The following TNFRSF8 variants were observed in gnomAD, a reference collection of about 807,000 sequenced individuals.
TNFRSF8 encodes the protein TNF receptor superfamily member 8.
TNFRSF8 carries 26 observed loss-of-function variants against 70.8 expected under a neutral mutation model. The observed-to-expected ratio is 0.37, with a 90% CI of 0.27 to 0.51. The LOEUF is 0.51. Ranked by LOEUF, TNFRSF8 falls within the 20% of genes least tolerant of loss-of-function variation. The pLI is 0.94. For synonymous variants in TNFRSF8, 356 were observed against 339.2 expected (o/e 1.05, Z -0.54); for missense variants, 720 against 807.9 (o/e 0.89, Z 1.32).
At chr1:12,070,132 C>T (rs1178204042) in intron 1 of TNFRSF8, among the ~76,000 whole-genome samples, 3 of 130,748 alleles carry the variant, frequency 2.3e-5, no homozygotes, top group African/African-American at 9.1e-5. Flanking sequence ...TTTAAAGTTC[C>T]TTCTGTCTGC....
At chr1:12,086,545 C>T (rs993729042) in intron 2 of TNFRSF8, among the ~76,000 whole-genome samples, 6 of 151,174 alleles carry the variant, frequency 4.0e-5, no homozygotes, top group Admixed American at 4.0e-4. Flanking sequence ...CCCACCCCTC[C>T]CATCCCCTTT....
chr1:12,109,420 G>C lies in TNFRSF8; in HGVS notation c.422-146G>C, dbSNP rs1641584881. 1.6e-6 allele frequency: 1 copy of C among 615,128 alleles called. No homozygotes were observed. 38.1% of individuals were successfully genotyped at this position (615,128 alleles called of 1,614,324 possible). Reference sequence around the variant, plus strand: ...GGCTGCTTTACTCTGAAGGGGAACGGGTGCCAGGCGGGTGCCACCTCCAGA... The same window carrying C: ...GGCTGCTTTACTCTGAAGGGGAACGCGTGCCAGGCGGGTGCCACCTCCAGA... On this transcript the variant is annotated intron_variant, in intron 4 of 14. Coordinates refer to ENST00000263932, the MANE Select transcript of TNFRSF8 (RefSeq NM_001243.5). This position sits in a 1 kb window ranked among gnomAD's most constrained non-coding sequence, Gnocchi z 4.4.
rs755846491 is a variant in TNFRSF8, at chr1:12,127,517, C to T, written c.1309+1281C>T. 3.3e-5 allele frequency among the ~76,000 whole-genome samples: 5 copies of T among 152,386 alleles called. No homozygotes were observed. The East Asian group carries it at 9.6e-4, about 29-fold the overall frequency. On this transcript the variant is annotated intron_variant, in intron 12 of 14. Transcript: ENST00000263932. ...CCTACCCAAGAGCCACGTGCTCAGCCTAAGGCCAGGCCCTGGCCCGTCCCC... is the reference window on the plus strand; with the variant it reads ...CCTACCCAAGAGCCACGTGCTCAGCTTAAGGCCAGGCCCTGGCCCGTCCCC...
chr1:12,120,123 A>C (rs1641804350), intron 8 of TNFRSF8, among the ~76,000 whole-genome samples: 1 of 152,212 alleles, frequency 6.6e-6, no homozygotes, highest in South Asian at 2.1e-4. Context: ...ATTTTCAGAC[A>C]TAAAAGGTCC....
chr1:12,071,130 A>G (rs1433127114), intron 1 of TNFRSF8, among the ~76,000 whole-genome samples: 4 of 152,206 alleles, frequency 2.6e-5, no homozygotes, highest in Non-Finnish European at 5.9e-5. Context: ...GCTTAGAACA[A>G]CATGAAGGTA....
chr1:12,125,711 G>A (rs1160430749), intron 10 of TNFRSF8, among the ~76,000 whole-genome samples: 1 of 152,168 alleles, frequency 6.6e-6, no homozygotes, highest in Non-Finnish European at 1.5e-5. Flanking sequence ...GCTCCTAGAC[G>A]CCTCAATTTC....
At chr1:12,117,587 C>T (rs1641756449) in intron 8 of TNFRSF8, among the ~76,000 whole-genome samples, 1 of 152,106 alleles carries the variant, frequency 6.6e-6, no homozygotes, top group South Asian at 2.1e-4. Flanking sequence ...GTTCCCTGGC[C>T]AACTTCCTAC....
intron 1 of TNFRSF8, among the ~76,000 whole-genome samples, chr1:12,074,779 G>GTGTT (rs145005426): frequency 6.6e-6 from 1 of 151,928 alleles, no homozygotes; most frequent in East Asian, 1.9e-4. Flanking sequence ...GTGATTATTT[G>GTGTT]TGTTTGTTTG....
At chr1:12,072,191 T>C (rs1210198551) in intron 1 of TNFRSF8, among the ~76,000 whole-genome samples, 2 of 152,164 alleles carry the variant, frequency 1.3e-5, no homozygotes, top group African/African-American at 2.4e-5. Context: ...AGTTAATATG[T>C]GTCAAGTGCT....
intron 8 of TNFRSF8, among the ~76,000 whole-genome samples, chr1:12,116,427 T>G (rs979326639): frequency 1.3e-5 from 2 of 152,252 alleles, no homozygotes; most frequent in African/African-American, 4.8e-5. Context: ...TTGTTGTTGT[T>G]GTTTTTTGTT....
At chr1:12,106,463 G>A (rs1424126707) in intron 4 of TNFRSF8, among the ~76,000 whole-genome samples, 1 of 152,120 alleles carries the variant, frequency 6.6e-6, no homozygotes, top group Non-Finnish European at 1.5e-5. Flanking sequence ...CTGTCTCTTG[G>A]CTTGATCAAT....
chr1:12,115,622 C>A lies in TNFRSF8; in HGVS notation c.839C>A (p.Thr280Asn), dbSNP rs763942820. 2 of 1,614,100 alleles carry A rather than the reference C, an allele frequency of 1.2e-6. No homozygotes were observed. The highest frequency in any genetic ancestry group is 1.3e-5 in the African/African-American group (1 of 74,920). The change falls in exon 8 of 15, where the codon ACC becomes AAC. Residue 280 changes from threonine (T) to asparagine (N), a missense_variant. Coordinates refer to ENST00000263932, the MANE Select transcript of TNFRSF8 (RefSeq NM_001243.5). ...CCATGTGCATGGAACTCCTCCCGCA[C>A]CTGCGAATGTCGACCTGGCATGATC... is the stretch of plus-strand genomic sequence containing the variant. ...KTPCAWNSSR[T>N]CECRPGMICA...
chr1:12,136,870 CT>C (rs201470263), intron 13 of TNFRSF8, among the ~76,000 whole-genome samples: 1,891 of 118,388 alleles, frequency 0.016, 13 homozygotes, highest in African/African-American at 0.047. Context: ...ATACTCAGTT[CT>C]TTTTTTTTTT....
chr1:12,094,649 G>A (rs1371890100), intron 2 of TNFRSF8, among the ~76,000 whole-genome samples: 7 of 140,752 alleles, frequency 5.0e-5, no homozygotes, highest in African/African-American at 8.2e-5. Flanking sequence ...TTTTTGAGAC[G>A]GAGTCTCACT....
chr1:12,128,689 T>A (rs1298299764), intron 12 of TNFRSF8, among the ~76,000 whole-genome samples: 1 of 152,194 alleles, frequency 6.6e-6, no homozygotes, highest in Non-Finnish European at 1.5e-5. Context: ...GGTTCTTTGC[T>A]GTGGAGCGCT....
At chr1:12,115,545 C>G in intron 7 of TNFRSF8, 32 bp from the exon 8 acceptor site, 1 of 1,614,136 alleles carries the variant, frequency 6.2e-7, no homozygotes, top group South Asian at 1.1e-5. Context: ...CCATACTGAT[C>G]TTTCTCCGTG....
intron 1 of TNFRSF8, among the ~76,000 whole-genome samples, chr1:12,075,215 G>C (rs1640916991): frequency 6.6e-6 from 1 of 151,274 alleles, no homozygotes; most frequent in South Asian, 2.1e-4. Flanking sequence ...CTACACTCCA[G>C]CCTGGGCGAC....
At position 12,106,314 on chromosome 1, in the gene TNFRSF8, C is replaced by A. The variant is rs112235369; in HGVS notation, c.421+1783C>A. Among the ~76,000 whole-genome samples, 7 of 152,194 alleles carry A rather than the reference C, an allele frequency of 4.6e-5. 1 individual carries two copies. The highest frequency in any genetic ancestry group is 1.4e-4 in the African/African-American group (6 of 41,516). On this transcript the variant is annotated intron_variant, in intron 4 of 14. Transcript: ENST00000263932. ...GTGCTGTTCTCTCTGTCGGAGACAC[C>A]CTTCCCTCCCCATTCACTTAGTCAA...
chr1:12,101,030 G>A (rs752344099), intron 3 of TNFRSF8, among the ~76,000 whole-genome samples: 11 of 151,824 alleles, frequency 7.2e-5, no homozygotes, highest in Non-Finnish European at 1.3e-4. Context: ...ATGGAGTATC[G>A]TCTCCTATGA....
Sources: gnomAD v4.1 joint callset for allele counts (sites outside exome capture counted in the v4.1 genomes callset) on GRCh38, gnomAD v4.1.1 for gene constraint, Gnocchi (gnomAD v3.1) non-coding constraint, MANE v1.5 for transcripts, NCBI Gene and HGNC (gene_info 2026-07-23, HGNC 2026-07-21) for gene names.